RAF1: variants seen among roughly 807,000 people sequenced by gnomAD.
RAF1 encodes RAF proto-oncogene serine/threonine-protein kinase.
A neutral mutation model predicts 81.1 loss-of-function variants in RAF1; 27 were observed. The ratio of observed to expected loss-of-function variants is 0.33; its 90% confidence interval spans 0.25 to 0.46. The LOEUF is 0.46. Ranked by LOEUF, RAF1 falls within the 20% of genes least tolerant of loss-of-function variation. The probability of loss-of-function intolerance (pLI) is 1.00; values close to 1 mark genes in which losing one functional copy is unlikely to be tolerated. For missense variants in RAF1, 598 were observed against 826.0 expected, an observed-to-expected ratio of 0.72 and a Z score of 3.38; for synonymous variants, 298 against 294.0, an observed-to-expected ratio of 1.01 and a Z score of -0.14.
At chr3:12,627,425 A>AT (rs1338591851) in intron 1 of RAF1, among the ~76,000 whole-genome samples, 2 of 152,206 alleles carry the variant, frequency 1.3e-5, no homozygotes, top group Non-Finnish European at 2.9e-5. Context: ...TTTGGCTACT[A>AT]TTCCGTTAAA....
At chr3:12,591,615 G>T in intron 12 of RAF1, 93 bp downstream of exon 11, 2 of 1,161,866 alleles carry the variant, frequency 1.7e-6, no homozygotes, top group Non-Finnish European at 2.6e-6. Context: ...CTGCCTGCCC[G>T]TCCCAACCTG....
intron 1 of RAF1, among the ~76,000 whole-genome samples, chr3:12,662,523 A>G (rs1050565546): frequency 1.4e-4 from 21 of 152,156 alleles, no homozygotes; most frequent in African/African-American, 4.1e-4. Context: ...CAATAATCCA[A>G]ATTCAACTAG....
intron 1 of RAF1, among the ~76,000 whole-genome samples, chr3:12,625,322 A>T (rs1167268963): frequency 6.6e-6 from 1 of 152,152 alleles, no homozygotes; most frequent in Non-Finnish European, 1.5e-5. Flanking sequence ...ACCTCAGGTG[A>T]TCCACCCACC....
intron 11 of RAF1, among the ~76,000 whole-genome samples, chr3:12,597,993 G>C (rs1054617557): frequency 2.2e-5 from 3 of 136,332 alleles, no homozygotes; most frequent in African/African-American, 8.2e-5. Context: ...GTACATACTA[G>C]ATGCAATTTT....
chr3:12,641,873 G>A (rs1290929084), intron 1 of RAF1, among the ~76,000 whole-genome samples: 7 of 152,062 alleles, frequency 4.6e-5, no homozygotes, highest in Admixed American at 3.3e-4. Flanking sequence ...TAGTCCCATA[G>A]GAACCCAGTG....
chr3:12,625,012 T>C (rs1216317224), intron 1 of RAF1, among the ~76,000 whole-genome samples: 1 of 151,724 alleles, frequency 6.6e-6, no homozygotes. Flanking sequence ...CCAACAAACA[T>C]ATATGTTTAT....
chr3:12,604,526 G>A (rs570632155), intron 6 of RAF1, among the ~76,000 whole-genome samples: 1 of 152,272 alleles, frequency 6.6e-6, no homozygotes, highest in East Asian at 1.9e-4. Context: ...CAATGAAAAG[G>A]AGAGTGCATT....
At chr3:12,614,944 G>GT (rs1203670890) in intron 2 of RAF1, among the ~76,000 whole-genome samples, 1 of 152,198 alleles carries the variant, frequency 6.6e-6, no homozygotes, top group Non-Finnish European at 1.5e-5. Context: ...AAGCTATAAA[G>GT]TGATATCTGT....
intron 1 of RAF1, among the ~76,000 whole-genome samples, chr3:12,638,019 A>G (rs563780259): frequency 6.6e-6 from 1 of 152,204 alleles, no homozygotes; most frequent in East Asian, 1.9e-4. Context: ...CCCTGGTTCA[A>G]GTGTATCCTA....
intron 1 of RAF1, among the ~76,000 whole-genome samples, chr3:12,628,023 G>A (rs2059755704): frequency 6.6e-6 from 1 of 152,154 alleles, no homozygotes; most frequent in African/African-American, 2.4e-5. Flanking sequence ...GGGAGGCTGA[G>A]GCAGGATAAT....
chr3:12,624,304 C>A (rs1488194174), intron 1 of RAF1, among the ~76,000 whole-genome samples: 2 of 152,170 alleles, frequency 1.3e-5, no homozygotes, highest in African/African-American at 4.8e-5. Flanking sequence ...ACAGAAAATT[C>A]TACTAAGGTA....
chr3:12,649,298 T>A (rs1284415798), intron 1 of RAF1, among the ~76,000 whole-genome samples: 1 of 152,140 alleles, frequency 6.6e-6, no homozygotes, highest in South Asian at 2.1e-4. Flanking sequence ...AAGAAAGACA[T>A]GTTTAAAATT....
At chr3:12,609,212 G>A (rs1320519210) in intron 4 of RAF1, 21 bp downstream of exon 4, 14 of 1,558,008 alleles carry the variant, frequency 9.0e-6, no homozygotes, top group Non-Finnish European at 1.2e-5. Flanking sequence ...ATGCCAGAAA[G>A]AGAAGAGATC....
intron 1 of RAF1, among the ~76,000 whole-genome samples, chr3:12,642,342 A>G (rs1358919101): frequency 6.7e-6 from 1 of 150,082 alleles, no homozygotes; most frequent in Non-Finnish European, 1.5e-5. Flanking sequence ...AAACAAACAA[A>G]CCAAAAAAAC....
In RAF1 at chr3:12,583,972, A is replaced by C; in HGVS notation, c.*542T>G. The C allele has an allele frequency of 4.1e-6, 1 of 245,050 alleles. No individual in the cohort carries two copies. The highest frequency in any genetic ancestry group is 8.1e-6 in the Non-Finnish European group (1 of 123,822). 15.2% of individuals were successfully genotyped at this position (245,050 alleles called of 1,614,324 possible). A position where few individuals can be genotyped will look rare whatever the true frequency, so the allele number is the denominator to read the frequency against. ...TGAAAGGAGGACGTGTCCCCTAAGAAAAGTTCCATAGTACCAAAGCAGGCT... is the reference window on the plus strand; with the variant it reads ...TGAAAGGAGGACGTGTCCCCTAAGACAAGTTCCATAGTACCAAAGCAGGCT... On this transcript the variant is annotated 3_prime_UTR_variant, in exon 18 of 18. Transcript: ENST00000442415.
intron 1 of RAF1, among the ~76,000 whole-genome samples, chr3:12,623,611 C>T (rs2059612871): frequency 6.6e-6 from 1 of 151,924 alleles, no homozygotes; most frequent in Non-Finnish European, 1.5e-5. Context: ...TCCTGGCTAA[C>T]AGGGTGAAAC....
At chr3:12,605,112 T>C (rs945387545) in intron 6 of RAF1, among the ~76,000 whole-genome samples, 8 of 152,226 alleles carry the variant, frequency 5.3e-5, no homozygotes, top group African/African-American at 1.9e-4. Context: ...TTGGTCAGAT[T>C]TGCTTTTCAA....
chr3:12,644,941 T>C (rs979915091), intron 1 of RAF1, among the ~76,000 whole-genome samples: 1 of 151,476 alleles, frequency 6.6e-6, no homozygotes, highest in African/African-American at 2.4e-5. Flanking sequence ...CTACTAAAGA[T>C]ACAAAATATT....
At chr3:12,597,043 C>T (rs1179475413) in intron 11 of RAF1, among the ~76,000 whole-genome samples, 3 of 151,978 alleles carry the variant, frequency 2.0e-5, no homozygotes, top group Non-Finnish European at 4.4e-5. Flanking sequence ...GGACTACAGG[C>T]GCCCACCCCC....
Sources: allele counts gnomAD v4.1 joint callset (sites outside exome capture counted in the v4.1 genomes callset), GRCh38; gene constraint gnomAD v4.1.1; transcripts MANE v1.5; gene names NCBI Gene and HGNC (gene_info 2026-07-23, HGNC 2026-07-21).